DPP10: variants seen among roughly 807,000 people sequenced by gnomAD.
DPP10 encodes inactive dipeptidyl peptidase 10.
Under a neutral mutation model 120.9 loss-of-function variants are expected in DPP10, and 33 were observed. The observed-to-expected ratio is 0.27, with a 90% CI of 0.21 to 0.37. DPP10 has a LOEUF of 0.37. Ranked by LOEUF, DPP10 falls within the 10% of genes least tolerant of loss-of-function variation. The pLI is 1.00. For synonymous variants in DPP10, 337 were observed against 326.1 expected (o/e 1.03, Z -0.36); for missense variants, 816 against 942.8 (o/e 0.87, Z 1.76).
chr2:114,484,482 T>C (rs1455171701), intron 1 of DPP10, among the ~76,000 whole-genome samples: 1 of 152,170 alleles, frequency 6.6e-6, no homozygotes, highest in African/African-American at 2.4e-5. Context: ...AAAAACATAC[T>C]TTGTTTTATC....
intron 3 of DPP10, among the ~76,000 whole-genome samples, chr2:115,423,113 A>T (rs2070131275): frequency 6.6e-6 from 1 of 152,074 alleles, no homozygotes; most frequent in African/African-American, 2.4e-5. Flanking sequence ...AACATATTTA[A>T]TATATTTAAT....
intron 1 of DPP10, among the ~76,000 whole-genome samples, chr2:114,669,475 A>G (rs1698173385): frequency 1.3e-5 from 2 of 152,148 alleles, no homozygotes; most frequent in African/African-American, 4.8e-5. Flanking sequence ...ATGTCAATGA[A>G]GGAGTTACGT....
At chr2:115,642,121 A>G (rs1275152287) in intron 5 of DPP10, among the ~76,000 whole-genome samples, 3 of 152,180 alleles carry the variant, frequency 2.0e-5, no homozygotes, top group Non-Finnish European at 4.4e-5. Context: ...AACCATCCAA[A>G]TATGGTTTCT....
chr2:115,292,443 C>T (rs569882094), intron 1 of DPP10, among the ~76,000 whole-genome samples: 2 of 152,224 alleles, frequency 1.3e-5, no homozygotes, highest in East Asian at 1.9e-4. Flanking sequence ...GTCTTTAAAA[C>T]ATGCCACATA....
chr2:114,788,909 A>G (rs1051061650), intron 1 of DPP10, among the ~76,000 whole-genome samples: 1 of 152,120 alleles, frequency 6.6e-6, no homozygotes, highest in Non-Finnish European at 1.5e-5. Flanking sequence ...TTAGCAAGCA[A>G]AGCATTTTCA....
At chr2:115,566,812 A>T (rs535874667) in intron 5 of DPP10, among the ~76,000 whole-genome samples, 1 of 152,308 alleles carries the variant, frequency 6.6e-6, no homozygotes, top group East Asian at 1.9e-4. Context: ...ACTTTCCAGT[A>T]TCTGTCTCTA....
chr2:115,199,175 A>G (rs1269199047), intron 1 of DPP10, among the ~76,000 whole-genome samples: 3 of 152,182 alleles, frequency 2.0e-5, no homozygotes, highest in Non-Finnish European at 4.4e-5. Flanking sequence ...AATTTTTAAC[A>G]AACTTCAAAT....
At chr2:114,634,364 A>T (rs926013762) in intron 1 of DPP10, among the ~76,000 whole-genome samples, 7 of 148,698 alleles carry the variant, frequency 4.7e-5, no homozygotes, top group Admixed American at 4.6e-4. Flanking sequence ...ATACAGAGCC[A>T]TTTTTTTAAG....
At chr2:115,353,608 G>A (rs1395550170) in intron 3 of DPP10, among the ~76,000 whole-genome samples, 2 of 152,210 alleles carry the variant, frequency 1.3e-5, no homozygotes, top group Non-Finnish European at 2.9e-5. Flanking sequence ...TACCTAATAC[G>A]TGTTCAGTAA....
At chr2:115,060,901 G>T (rs1376674956) in intron 1 of DPP10, among the ~76,000 whole-genome samples, 1 of 152,068 alleles carries the variant, frequency 6.6e-6, no homozygotes, top group African/African-American at 2.4e-5. Flanking sequence ...TGCTCACCTC[G>T]CTTGCAAGAA....
chr2:115,742,038 G>T (rs750387549), intron 9 of DPP10, among the ~76,000 whole-genome samples: 13 of 152,068 alleles, frequency 8.5e-5, no homozygotes, highest in Non-Finnish European at 1.3e-4. Flanking sequence ...TTTATTAATT[G>T]TAGAAATCAC....
chr2:115,584,683 C>T (rs771892108), intron 5 of DPP10, among the ~76,000 whole-genome samples: 1 of 152,176 alleles, frequency 6.6e-6, no homozygotes, highest in Non-Finnish European at 1.5e-5. Flanking sequence ...ACCAACAAAT[C>T]AATCATGCCT....
chr2:115,694,300 G>A (rs916977582), intron 7 of DPP10, among the ~76,000 whole-genome samples: 3 of 152,150 alleles, frequency 2.0e-5, no homozygotes, highest in East Asian at 1.9e-4. Flanking sequence ...AAAGAGGCTT[G>A]TAGTGTTTAC....
At chr2:115,154,556 A>G (rs1170446081) in intron 1 of DPP10, among the ~76,000 whole-genome samples, 1 of 152,218 alleles carries the variant, frequency 6.6e-6, no homozygotes, top group Non-Finnish European at 1.5e-5. Flanking sequence ...GGGACAACAG[A>G]AAGAGAAAAT....
At chr2:115,614,788 A>G (rs1478552692) in intron 5 of DPP10, among the ~76,000 whole-genome samples, 1 of 152,188 alleles carries the variant, frequency 6.6e-6, no homozygotes, top group Non-Finnish European at 1.5e-5. Context: ...CAGAATTATC[A>G]TAGAGAGAAA....
At chr2:115,608,064 A>C (rs1269020462) in intron 5 of DPP10, among the ~76,000 whole-genome samples, 1 of 152,118 alleles carries the variant, frequency 6.6e-6, no homozygotes, top group Admixed American at 6.6e-5. Context: ...GGGCACAAGC[A>C]CTAACAAAAC....
chr2:115,149,365 CA>C (rs998043386), intron 1 of DPP10, among the ~76,000 whole-genome samples: 5 of 152,238 alleles, frequency 3.3e-5, no homozygotes, highest in African/African-American at 1.2e-4. Context: ...TTTGGTTACC[CA>C]GGGGCATAAC....
chr2:115,549,708 AAC>A (rs1298639382), intron 5 of DPP10, among the ~76,000 whole-genome samples: 3 of 152,126 alleles, frequency 2.0e-5, no homozygotes, highest in African/African-American at 7.2e-5. Context: ...CTTGTTTAAA[AAC>A]ACAAACCAGT....
chr2:114,569,533 C>T (rs1689459626), intron 1 of DPP10, among the ~76,000 whole-genome samples: 1 of 152,188 alleles, frequency 6.6e-6, no homozygotes, highest in African/African-American at 2.4e-5. Context: ...CTGATATTTG[C>T]TGGAACCCAA....
Sources: allele counts gnomAD v4.1 joint callset (sites outside exome capture counted in the v4.1 genomes callset), GRCh38; gene constraint gnomAD v4.1.1; transcripts MANE v1.5; gene names NCBI Gene and HGNC (gene_info 2026-07-23, HGNC 2026-07-21).